Variants in KIAA1210 observed in about 807,000 individuals in gnomAD.
The protein encoded by KIAA1210 is acrosomal protein KIAA1210.
KIAA1210 carries 48 observed loss-of-function variants against 78.9 expected under a neutral mutation model. The observed-to-expected ratio is 0.61, with a 90% CI of 0.48 to 0.77. The LOEUF (loss-of-function observed/expected upper bound fraction) is 0.77. KIAA1210 is among the 30% of genes least tolerant of loss of function. The probability of loss-of-function intolerance (pLI) is 0.00; values close to 1 mark genes in which losing one functional copy is unlikely to be tolerated. For missense variants in KIAA1210, 1,108 were observed against 1,100.0 expected (o/e 1.01, Z -0.10); for synonymous variants, 406 against 404.5 (o/e 1.00, Z -0.04).
chrX:119,090,577 T>TG (rs35583329), intron 8 of KIAA1210, among the ~76,000 whole-genome samples: 1 of 73,238 alleles, frequency 1.4e-5, no homozygotes, highest in Admixed American at 1.7e-4. Context: ...GCCATGTTGC[T>TG]TTTTTTTTTT....
chrX:119,087,762 T>A lies in KIAA1210; in HGVS notation c.2940A>T (p.Gln980His). 2 of 1,211,861 alleles carry A rather than the reference T, an allele frequency of 1.7e-6. No homozygotes were observed. The change falls in exon 9 of 12, where the codon CAA becomes CAT. Residue 980 changes from glutamine (Q) to histidine (H), a missense_variant. Physicochemically the swap from Gln to His is conservative, Grantham distance 24. Around this residue, in one of 5 missense-constraint regions of KIAA1210, gnomAD observed 179 missense variants for 174.1 expected, o/e 1.03. Transcript: ENST00000691062. Reference sequence around the variant, plus strand: ...ACCTCTTTAAGAACTGGGTAGCATATTGGGGAGGCAATGGACTCCCAGAAA... The same window carrying A: ...ACCTCTTTAAGAACTGGGTAGCATAATGGGGAGGCAATGGACTCCCAGAAA... ...ADISGSPLPPQYATQFLKRSK... is the reference protein window; with the variant it reads ...ADISGSPLPPHYATQFLKRSK...
At position 119,081,381 on chromosome X, in the gene KIAA1210, A is replaced by T; in HGVS notation, c.4550T>A (p.Leu1517Gln). 1 of 1,208,480 alleles carries T rather than the reference A, an allele frequency of 8.3e-7. No individual in the cohort carries two copies. ...CCATGCTTTGGCTTTCTTCCTGGCC[A>T]GTGAGAACCAGACAGGCTCAATTGG... The part of the protein sequence containing the change: ...VEPIEPVWFS[L>Q]ARKKAKAWSH... The change falls in exon 12 of 12, where the codon CTG becomes CAG. Residue 1517 changes from leucine to glutamine, a missense_variant. Leu to Gln is a moderately radical substitution (Grantham distance 113). Transcript: ENST00000691062.
upstream of KIAA1210, among the ~76,000 whole-genome samples, chrX:119,131,162 G>A (rs1307227065): frequency 8.9e-6 from 1 of 111,926 alleles, no homozygotes; most frequent in Non-Finnish European, 1.9e-5. Flanking sequence ...GTAATAGGAT[G>A]AAATGTATTT....
intron 1 of KIAA1210, among the ~76,000 whole-genome samples, chrX:119,149,699 C>T (rs1265380956): frequency 2.7e-5 from 3 of 112,283 alleles, no homozygotes; most frequent in Non-Finnish European, 5.6e-5. Context: ...CCAAAAACAA[C>T]ACTGTGGACA....
chrX:119,123,431 C>A (rs796067929), intron 2 of KIAA1210, 151 bp downstream of exon 2: 1 of 448,093 alleles, frequency 2.2e-6, no homozygotes, highest in Non-Finnish European at 3.8e-6. Flanking sequence ...TTGGAGGTGC[C>A]AAAGAAGAAA....
At position 119,080,061 on chromosome X, in the gene KIAA1210, A is replaced by C. The variant is rs1342050808; in HGVS notation, c.*1268T>G. 9.0e-6 allele frequency: 1 copy of C among 111,601 alleles called. No individual in the cohort carries two copies. The highest frequency in any genetic ancestry group is 3.3e-5 in the African/African-American group (1 of 30,658). The allele number at this position is 111,601 out of a possible 1,213,427, so 9.2% of individuals were successfully genotyped here. A position where few individuals can be genotyped will look rare whatever the true frequency, so the allele number is the denominator to read the frequency against. The stretch of plus-strand genomic sequence containing the variant: ...TAAGCTTGCCATCTGCCTGATGGAA[A>C]GTACAGCTTTTGGCATCTGTAGAAC... On this transcript the variant is annotated 3_prime_UTR_variant, in exon 12 of 12. Transcript: ENST00000691062.
intron 1 of KIAA1210, among the ~76,000 whole-genome samples, chrX:119,149,607 C>A (rs953696103): frequency 3.4e-4 from 38 of 111,801 alleles, no homozygotes; most frequent in African/African-American, 1.2e-3. Context: ...CACTAATTAA[C>A]CATATGACTA....
intron 2 of KIAA1210, among the ~76,000 whole-genome samples, chrX:119,144,033 A>G (rs771136651): frequency 5.3e-5 from 6 of 112,559 alleles, no homozygotes; most frequent in Non-Finnish European, 9.4e-5. Context: ...CACTCTGCCT[A>G]AGTGGCTGAA....
rs753502463 is a variant in KIAA1210 at position 119,081,289 on chromosome X, A to C, written c.*40T>G. 264 of 861,510 alleles carry C rather than the reference A, an allele frequency of 3.1e-4. No homozygotes were observed. Among genetic ancestry groups the C allele is most frequent in the African/African-American group, 7.0e-5 (3 of 42,891 alleles). 71.0% of individuals were successfully genotyped at this position (861,510 alleles called of 1,213,427 possible). On this transcript the variant is annotated 3_prime_UTR_variant, in exon 12 of 12. Transcript: ENST00000691062. Reference sequence around the variant, plus strand: ...CTCAAAAAAAAAAAAAAAAAAAAAAACTAAATAAAATAAATGCTGATGCTC... The same window carrying C: ...CTCAAAAAAAAAAAAAAAAAAAAAACCTAAATAAAATAAATGCTGATGCTC...
intron 11 of KIAA1210, 106 bp from the exon 12 acceptor site, chrX:119,081,610 G>A: frequency 1.3e-6 from 1 of 798,696 alleles, no homozygotes; most frequent in Non-Finnish European, 1.8e-6. Flanking sequence ...GGTTTCCTCT[G>A]ATCCCCCTGC....
intron 1 of KIAA1210, 89 bp from the exon 2 acceptor site, chrX:119,123,741 CAGTTATATTCTTAAAATAGCCTAGAAAAA>C: frequency 1.9e-6 from 1 of 533,155 alleles, no homozygotes; most frequent in Non-Finnish European, 3.1e-6. Flanking sequence ...CCTTATCCTT[CAGTTATATTCTTAAAATAGCCTAGAAAAA>C]ATATACAAAT....
chrX:119,082,024 T>A (rs1031666869), intron 11 of KIAA1210, among the ~76,000 whole-genome samples: 2 of 111,982 alleles, frequency 1.8e-5, no homozygotes, highest in African/African-American at 6.5e-5. Flanking sequence ...ACCTCCCTAT[T>A]CCTAATTCCA....
intron 5 of KIAA1210, among the ~76,000 whole-genome samples, chrX:119,108,069 T>G (rs937451582): frequency 8.9e-6 from 1 of 111,910 alleles, no homozygotes; most frequent in African/African-American, 3.3e-5. Flanking sequence ...TTAATACACC[T>G]GGGTCAGATT....
intron 10 of KIAA1210, among the ~76,000 whole-genome samples, chrX:119,083,424 G>A (rs1160905964): frequency 8.9e-6 from 1 of 112,050 alleles, no homozygotes; most frequent in African/African-American, 3.2e-5. Context: ...TATTTAACTT[G>A]AGAACAACCT....
Position 119,105,146 on chromosome X carries a change from T to C in KIAA1210, c.494A>G (p.Asn165Ser), listed in dbSNP as rs780752683. ...VWVAGPKITE[N>S]PPSRRRRLSI... ...GAGTCGGCGTCGGCGCGATGGTGGGTTCTGTCAAGAGGGAGAATAGAAGGA... is the reference window on the plus strand; with the variant it reads ...GAGTCGGCGTCGGCGCGATGGTGGGCTCTGTCAAGAGGGAGAATAGAAGGA... Residue 165 changes from asparagine to serine, a missense_variant and splice_region_variant, in exon 6 of 12, where the codon AAC (asparagine) becomes AGC (serine). By Grantham distance (46) the Asn-to-Ser change is conservative. Transcript: ENST00000691062. 5.8e-6 allele frequency: 7 copies of C among 1,197,302 alleles called. No individual in the cohort carries two copies. Among genetic ancestry groups the C allele is most frequent in the Non-Finnish European group, 7.9e-6 (7 of 889,892 alleles).
upstream of KIAA1210, among the ~76,000 whole-genome samples, chrX:119,129,638 A>T (rs1237464715): frequency 9.0e-6 from 1 of 110,861 alleles, no homozygotes; most frequent in Non-Finnish European, 1.9e-5. Flanking sequence ...CTTCCCTCCC[A>T]GCCCTGGGTT....
At chrX:119,103,238 A>G (rs774889816) in intron 6 of KIAA1210, among the ~76,000 whole-genome samples, 1 of 112,031 alleles carries the variant, frequency 8.9e-6, no homozygotes, top group East Asian at 2.8e-4. Flanking sequence ...TTACAAACTC[A>G]ACAACAAAAA....
chrX:119,137,669 A>G (rs904771754), intron 2 of KIAA1210, among the ~76,000 whole-genome samples: 1 of 112,506 alleles, frequency 8.9e-6, no homozygotes, highest in Non-Finnish European at 1.9e-5. Context: ...TTCTTAAAAC[A>G]TTATGAGATT....
At chrX:119,148,372 C>G (rs1229245830) in intron 1 of KIAA1210, among the ~76,000 whole-genome samples, 11 of 111,460 alleles carry the variant, frequency 9.9e-5, no homozygotes, top group Non-Finnish European at 7.5e-5. Flanking sequence ...AAGAGAATAG[C>G]TAAAAACCTC....
Sources: gnomAD v4.1 joint callset for allele counts (sites outside exome capture counted in the v4.1 genomes callset) on GRCh38, gnomAD v4.1.1 for gene constraint, gnomAD v4.1.1 regional missense constraint, MANE v1.5 for transcripts, NCBI Gene and HGNC (gene_info 2026-07-23, HGNC 2026-07-21) for gene names.